STK32B: variants seen among roughly 807,000 people sequenced by gnomAD.
STK32B encodes the protein serine/threonine-protein kinase 32B.
In STK32B, 43 loss-of-function variants were observed where a neutral mutation model predicts 52.6. The observed-to-expected ratio is 0.82, with a 90% CI of 0.64 to 1.05. The LOEUF is 1.05. STK32B is among the 50% of genes least tolerant of loss of function. STK32B has a pLI of 0.00. For missense variants in STK32B, 621 were observed against 534.6 expected, an observed-to-expected ratio of 1.16 and a Z score of -1.59; for synonymous variants, 238 against 204.3, an observed-to-expected ratio of 1.17 and a Z score of -1.41.
intron 5 of STK32B, among the ~76,000 whole-genome samples, chr4:5,407,400 A>C (rs1005807226): frequency 3.3e-5 from 5 of 152,052 alleles, no homozygotes; most frequent in African/African-American, 1.2e-4. Flanking sequence ...CCCAGTTCCA[A>C]AGTCGCTTAC....
At chr4:5,418,253 C>G (rs1432726215) in intron 6 of STK32B, among the ~76,000 whole-genome samples, 2 of 151,902 alleles carry the variant, frequency 1.3e-5, no homozygotes, top group African/African-American at 2.4e-5. Flanking sequence ...TGTTATTCTG[C>G]TCTTCATTCT....
intron 3 of STK32B, among the ~76,000 whole-genome samples, chr4:5,188,825 G>C: frequency 8.2e-6 from 1 of 122,602 alleles, no homozygotes; most frequent in African/African-American, 3.0e-5. Context: ...GTGTAACATG[G>C]ACACAGGGCA....
chr4:5,405,142 C>T (rs557886581), intron 5 of STK32B, among the ~76,000 whole-genome samples: 3 of 151,778 alleles, frequency 2.0e-5, no homozygotes, highest in Non-Finnish European at 4.4e-5. Context: ...GGGATTTTCA[C>T]AAATAAGAAA....
chr4:5,156,991 T>TG (rs1178309245), intron 2 of STK32B, among the ~76,000 whole-genome samples: 1 of 151,084 alleles, frequency 6.6e-6, no homozygotes, highest in East Asian at 1.9e-4. Context: ...ATTCAGAGTG[T>TG]GAAAAAAAAA....
At position 5,398,417 on chromosome 4, in the gene STK32B, C is replaced by G. The variant is rs1287243424; in HGVS notation, c.472+173C>G. Among the ~76,000 whole-genome samples, 1 of 152,126 alleles carries G rather than the reference C, an allele frequency of 6.6e-6. No homozygotes were observed. Among genetic ancestry groups the G allele is most frequent in the Non-Finnish European group, 1.5e-5 (1 of 68,030 alleles). On this transcript the variant is annotated intron_variant, in intron 5 of 11. Transcript: ENST00000282908. The surrounding 1 kb of genome is among the most constrained non-coding windows in gnomAD (Gnocchi z 4.9). ...ATCTGTGTAAATTTCTGGTCCATGT[C>G]CTGCCGTGGTAAGTTGAATCAAAGT... is the stretch of plus-strand genomic sequence containing the variant.
the STK32B span, among the ~76,000 whole-genome samples, chr4:5,030,089 A>G: frequency 6.6e-6 from 1 of 152,192 alleles, no homozygotes; most frequent in African/African-American, 2.4e-5. Flanking sequence ...GCCATGCTGA[A>G]CTGTGAGTCA....
chr4:5,209,774 G>A (rs530147461), intron 3 of STK32B, among the ~76,000 whole-genome samples: 28 of 152,182 alleles, frequency 1.8e-4, no homozygotes, highest in African/African-American at 4.1e-4. Context: ...CCTAGGAAGC[G>A]TTTATAATAC....
intron 3 of STK32B, among the ~76,000 whole-genome samples, chr4:5,284,028 T>C (rs116009421): frequency 1.3e-3 from 198 of 152,268 alleles, no homozygotes; most frequent in African/African-American, 4.3e-3. Flanking sequence ...CACAAGACTA[T>C]TCAAAAATTG....
intron 3 of STK32B, among the ~76,000 whole-genome samples, chr4:5,239,533 G>A (rs952616096): frequency 1.3e-5 from 2 of 152,046 alleles, no homozygotes; most frequent in Non-Finnish European, 2.9e-5. Flanking sequence ...TAAGCATGCG[G>A]GAGATGCTGG....
chr4:5,104,960 A>G (rs1214227377), intron 1 of STK32B, among the ~76,000 whole-genome samples: 1 of 152,232 alleles, frequency 6.6e-6, no homozygotes, highest in Non-Finnish European at 1.5e-5. Context: ...TTGTTTGAGT[A>G]TATGCCTAAG....
chr4:5,078,744 G>A (rs1269182578), intron 1 of STK32B, among the ~76,000 whole-genome samples: 2 of 152,074 alleles, frequency 1.3e-5, no homozygotes, highest in African/African-American at 4.8e-5. Flanking sequence ...CCTGGCCTTG[G>A]CCTCCCCTTC....
At chr4:5,358,250 G>A (rs775575339) in intron 4 of STK32B, among the ~76,000 whole-genome samples, 3 of 152,198 alleles carry the variant, frequency 2.0e-5, no homozygotes, top group Non-Finnish European at 4.4e-5. Flanking sequence ...GTAAGTTAAC[G>A]TCAGAGAAAC....
chr4:5,406,702 G>A (rs1281761805), intron 5 of STK32B, among the ~76,000 whole-genome samples: 2 of 152,170 alleles, frequency 1.3e-5, no homozygotes, highest in African/African-American at 2.4e-5. Flanking sequence ...AACTATGGCT[G>A]GAGCTGGAGT....
chr4:5,322,759 G>A (rs1353995349), intron 3 of STK32B, among the ~76,000 whole-genome samples: 2 of 151,972 alleles, frequency 1.3e-5, no homozygotes, highest in African/African-American at 4.8e-5. Context: ...CAGGCCCTGG[G>A]CAAGGTGAGA....
chr4:5,324,359 A>G (rs1363827373), intron 3 of STK32B, among the ~76,000 whole-genome samples: 1 of 152,172 alleles, frequency 6.6e-6, no homozygotes, highest in Non-Finnish European at 1.5e-5. Context: ...ATCTCAAAAA[A>G]TAAAAATAAG....
In STK32B at chr4:5,400,521, C is replaced by A. The variant is rs528119922; in HGVS notation, c.472+2277C>A. 1.3e-5 allele frequency among the ~76,000 whole-genome samples: 2 copies of A among 152,154 alleles called. No individual in the cohort carries two copies. The highest frequency in any genetic ancestry group is 3.9e-4 in the East Asian group (2 of 5,190). ...AGCCTCCCATTTCATCGAAAAGTCT[C>A]TGCTAGCTGGTGGGACAGAGCGTTG... On this transcript the variant is annotated intron_variant, in intron 5 of 11. Transcript: ENST00000282908. The surrounding 1 kb of genome is among the most constrained non-coding windows in gnomAD (Gnocchi z 6.1).
chr4:5,147,997 T>C (rs1357928372), intron 2 of STK32B, among the ~76,000 whole-genome samples: 1 of 151,968 alleles, frequency 6.6e-6, no homozygotes, highest in African/African-American at 2.4e-5. Flanking sequence ...AAATGTTTGA[T>C]AGGTTTTACA....
At position 5,338,741 on chromosome 4, in the gene STK32B, CT is replaced by C. The variant is rs1260908654; in HGVS notation, c.434+7349del. ...TTTTAAGTCATTCTCAAATATTCCT[CT>C]GGTAGAGGTCATCTGCTCTTAGATT... is the stretch of plus-strand genomic sequence containing the variant. On this transcript the variant is annotated intron_variant, in intron 4 of 11. Transcript: ENST00000282908. 3.9e-5 allele frequency among the ~76,000 whole-genome samples: 6 copies of C among 152,334 alleles called. No homozygotes were observed. In the East Asian group the frequency reaches 1.2e-3, roughly 29 times the overall value.
At chr4:5,290,449 C>T (rs545237163) in intron 3 of STK32B, among the ~76,000 whole-genome samples, 1 of 152,238 alleles carries the variant, frequency 6.6e-6, no homozygotes, top group East Asian at 1.9e-4. Flanking sequence ...CAAACACAAA[C>T]ATTAGCCTAG....
Sources: gnomAD v4.1 joint callset for allele counts (sites outside exome capture counted in the v4.1 genomes callset) on GRCh38, gnomAD v4.1.1 for gene constraint, Gnocchi (gnomAD v3.1) non-coding constraint, MANE v1.5 for transcripts, NCBI Gene and HGNC (gene_info 2026-07-23, HGNC 2026-07-21) for gene names.